Variants in INTS1 observed in about 807,000 individuals in gnomAD.
INTS1 encodes integrator complex subunit 1.
Under a neutral mutation model 241.6 loss-of-function variants are expected in INTS1, and 137 were observed. The observed-to-expected ratio is 0.57, with a 90% confidence interval of 0.49 to 0.65. The LOEUF is 0.65. INTS1 is among the 30% of genes least tolerant of loss of function. The pLI is 0.00. For missense variants in INTS1, 3,073 were observed against 3,032.2 expected, an observed-to-expected ratio of 1.01 and a Z score of -0.32; for synonymous variants, 1,692 against 1,337.8, an observed-to-expected ratio of 1.26 and a Z score of -5.78.
intron 44 of INTS1, 26 bp downstream of exon 44, chr7:1,472,247 C>A: frequency 6.6e-7 from 1 of 1,504,652 alleles, no homozygotes; most frequent in Non-Finnish European, 9.0e-7. Context: ...GCTGACCTGG[C>A]GTGGGTGAAG....
chr7:1,473,527 C>A, intron 42 of INTS1, 39 bp downstream of exon 42: 1 of 1,557,532 alleles, frequency 6.4e-7, no homozygotes, highest in South Asian at 1.2e-5. Context: ...GGACCCTCGC[C>A]GGAGGCCCGA....
Position 1,503,091 on chromosome 7 carries a change from C to G in INTS1, c.159G>C (p.Leu53=). 6.2e-7 allele frequency: 1 copy of G among 1,611,656 alleles called. No homozygotes were observed. Among genetic ancestry groups the G allele is most frequent in the Non-Finnish European group, 8.5e-7 (1 of 1,178,266 alleles). ...STLLKPAPSG[L]PSERKRDAAA... is the part of the protein sequence containing the mutation. ...CCGCATCCCGCTTGCGCTCAGAAGG[C>G]AGGCCGGAAGGGGCTGGCTTCAGCA... The change falls in exon 3 of 48, where the codon CTG becomes CTC. Residue 53 remains leucine, a synonymous_variant. Transcript: ENST00000404767.
chr7:1,483,827 T>A lies in INTS1; in HGVS notation c.3456A>T (p.Leu1152=). ...TGGCTGTCTCCCCGCTGCTCCAGCG[T>A]AGGAAGACCTGGTCCTGAGACTCCG... The part of the protein sequence containing the change: ...SWSESQDQVF[L]RWSSGETATM... Residue 1152 remains leucine (L), a synonymous_variant, in exon 26 of 48, where the codon CTA becomes CTT. Transcript: ENST00000404767. The A allele has an allele frequency of 6.2e-7, 1 of 1,612,008 alleles. No individual in the cohort carries two copies. Among genetic ancestry groups the A allele is most frequent in the Non-Finnish European group, 8.5e-7 (1 of 1,179,224 alleles).
chr7:1,496,092 G>A (rs898585658), intron 12 of INTS1, 64 bp downstream of exon 12: 39 of 1,332,600 alleles, frequency 2.9e-5, no homozygotes, highest in African/African-American at 1.4e-4. Context: ...TCGGAGAGCC[G>A]CCAGCCACCA....
At chr7:1,497,000 C>T (rs1782895182) in intron 11 of INTS1, 138 bp downstream of exon 11, 1 of 870,106 alleles carries the variant, frequency 1.1e-6, no homozygotes, top group Non-Finnish European at 1.7e-6. Flanking sequence ...TCACCGCAAA[C>T]AGCCTCACTC....
Position 1,474,211 on chromosome 7 carries a change from C to T in INTS1, c.5786G>A (p.Gly1929Glu). The T allele has an allele frequency of 6.3e-7, 1 of 1,593,208 alleles. No homozygotes were observed. The highest frequency in any genetic ancestry group is 8.5e-7 in the Non-Finnish European group (1 of 1,171,358). ...QPHVFRSEHQ[G>E]ALWDCLLSFI... ...GGACAGAAGGCAGTCCCACAGCGCC[C>T]CCTGGTGCTCGCTGCGGAACACGTG... Residue 1929 changes from glycine (G) to glutamate (E), a missense_variant, in exon 41 of 48, where the codon GGG becomes GAG. Coordinates refer to ENST00000404767, the MANE Select transcript of INTS1 (RefSeq NM_001080453.3).
rs1191502373 is a variant in INTS1, at chr7:1,479,677, G to A, written c.4082C>T (p.Pro1361Leu). Reference sequence around the variant, plus strand: ...CTGCCACCGAGGGTCCGGGCTGAGCGGGAAAATCTGGAACGGGGAAGGCCA... The same window carrying A: ...CTGCCACCGAGGGTCCGGGCTGAGCAGGAAAATCTGGAACGGGGAAGGCCA... ...DLAGMFLQIF[P>L]LSPDPRWQSS... Residue 1361 changes from proline (P) to leucine (L), a missense_variant, in exon 31 of 48, where the codon CCG becomes CTG. By Grantham distance (98) the Pro-to-Leu change is moderately conservative. Transcript: ENST00000404767. 1.9e-5 allele frequency: 28 copies of A among 1,465,984 alleles called. No individual in the cohort carries two copies. The highest frequency in any genetic ancestry group is 1.9e-4 in the Middle Eastern group (1 of 5,334). 90.8% of individuals were successfully genotyped at this position (1,465,984 alleles called of 1,614,324 possible).
Position 1,478,789 on chromosome 7 carries a change from G to A in INTS1, c.4426C>T (p.Pro1476Ser), listed in dbSNP as rs1781856836. The A allele has an allele frequency of 1.2e-6, 2 of 1,604,962 alleles. No individual in the cohort carries two copies. The highest frequency in any genetic ancestry group is 1.7e-6 in the Non-Finnish European group (2 of 1,176,840). Residue 1476 changes from proline to serine, a missense_variant, in exon 32 of 48, where the codon CCC (proline) becomes TCC (serine). By Grantham distance (74) the Pro-to-Ser change is moderately conservative. Coordinates refer to ENST00000404767, the MANE Select transcript of INTS1 (RefSeq NM_001080453.3). Reference sequence around the variant, plus strand: ...AGCATCCTGAGCTGTGCCCGCAGGGGCCCGCCCTCCACGCCAGGGCTGTCC... The same window carrying A: ...AGCATCCTGAGCTGTGCCCGCAGGGACCCGCCCTCCACGCCAGGGCTGTCC... ...WLDSPGVEGGPLRAQLRMLAS... is the reference protein window; with the variant it reads ...WLDSPGVEGGSLRAQLRMLAS...
At chr7:1,477,227 C>G (rs571297768) in intron 35 of INTS1, among the ~76,000 whole-genome samples, 1 of 152,240 alleles carries the variant, frequency 6.6e-6, no homozygotes, top group Non-Finnish European at 1.5e-5. Context: ...CTGGCCACAG[C>G]CCCATTCCCT....
At chr7:1,474,517 T>A (rs977252095) in intron 40 of INTS1, among the ~76,000 whole-genome samples, 157 bp from the exon 41 acceptor site, 29 of 152,312 alleles carry the variant, frequency 1.9e-4, no homozygotes, top group African/African-American at 7.0e-4. Context: ...CGCCCCTCTC[T>A]GAGGCCCACC....
Position 1,485,272 on chromosome 7 carries a change from C to G in INTS1, c.3156+18G>C, listed in dbSNP as rs1326180113. 2 of 1,600,318 alleles carry G rather than the reference C, an allele frequency of 1.2e-6. No individual in the cohort carries two copies. Among genetic ancestry groups the G allele is most frequent in the Admixed American group, 1.7e-5 (1 of 59,748 alleles). On this transcript the variant is annotated intron_variant, in intron 23 of 47. Coordinates refer to ENST00000404767, the MANE Select transcript of INTS1 (RefSeq NM_001080453.3). ...CCCTCTCATCTTTCCCTGCCGCGGC[C>G]CCGGTCAGCGCCCTCACCTGCTGCA...
chr7:1,484,746 G>A (rs1409578932), intron 24 of INTS1, among the ~76,000 whole-genome samples: 1 of 152,184 alleles, frequency 6.6e-6, no homozygotes, highest in African/African-American at 2.4e-5. Flanking sequence ...GCATCCTCAG[G>A]GTCTGGGGAG....
Position 1,493,184 on chromosome 7 carries a change from CT to C in INTS1, c.2069-79del. ...ACAGGCAGCGAGGGAACCGGCCCTGCTCGGGCCGCGTCGGGGTGGGGTGGGG... is the reference window on the plus strand; with the variant it reads ...ACAGGCAGCGAGGGAACCGGCCCTGCCGGGCCGCGTCGGGGTGGGGTGGGG... On this transcript the variant is annotated intron_variant, in intron 15 of 47. Coordinates refer to ENST00000404767, the MANE Select transcript of INTS1 (RefSeq NM_001080453.3). The surrounding 1 kb of genome is among the most constrained non-coding windows in gnomAD (Gnocchi z 5.3). 1 of 1,159,864 alleles carries C rather than the reference CT, an allele frequency of 8.6e-7. No individual in the cohort carries two copies. 71.8% of individuals were successfully genotyped at this position (1,159,864 alleles called of 1,614,324 possible).
intron 14 of INTS1, 141 bp from the exon 15 acceptor site, chr7:1,494,052 TC>T: frequency 9.2e-7 from 1 of 1,084,016 alleles, no homozygotes; most frequent in Non-Finnish European, 1.3e-6. Flanking sequence ...GCCTATCCCC[TC>T]CAACCTGAGC....
chr7:1,503,868 G>GACCCCCAAAA lies in INTS1; in HGVS notation c.58+34_58+35insTTTTGGGGGT, dbSNP rs1465045793. 5.3e-6 allele frequency: 8 copies of GACCCCCAAAA among 1,509,070 alleles called. No individual in the cohort carries two copies. The African/African-American group carries it at 7.1e-5, about 13-fold the overall frequency. The allele number at this position is 1,509,070 out of a possible 1,614,324, so 93.5% of individuals were successfully genotyped here. A position where few individuals can be genotyped will look rare whatever the true frequency, so the allele number is the denominator to read the frequency against. On this transcript the variant is annotated intron_variant, in intron 2 of 47. Coordinates refer to ENST00000404767, the MANE Select transcript of INTS1 (RefSeq NM_001080453.3). Reference sequence around the variant, plus strand: ...CCAAAGACCCCCAAAGACCCCCAAAGACCCCCGGGCTGCAGAGCGAGGAGG... The same window carrying GACCCCCAAAA: ...CCAAAGACCCCCAAAGACCCCCAAAGACCCCCAAAAACCCCCGGGCTGCAGAGCGAGGAGG...
rs778154378 is a variant in INTS1 at position 1,478,856 on chromosome 7, G to A, written c.4359C>T (p.Ser1453=). The stretch of plus-strand genomic sequence containing the variant: ...GCAGGAGCACCTTCAGGAAGAGCGA[G>A]GAGAAGCCGGTGTCCTGTGGCACAC... The part of the protein sequence containing the change: ...QRCVPQDTGF[S]SLFLKVLLQM... Residue 1453 remains serine (S), a synonymous_variant, in exon 32 of 48, where the codon TCC becomes TCT. Coordinates refer to ENST00000404767, the MANE Select transcript of INTS1 (RefSeq NM_001080453.3). 1 of 1,610,572 alleles carries A rather than the reference G, an allele frequency of 6.2e-7. No homozygotes were observed.
chr7:1,482,714 G>A lies in INTS1; in HGVS notation c.3542-7C>T, dbSNP rs772082998. On this transcript the variant is annotated splice_region_variant and splice_polypyrimidine_tract_variant and intron_variant, in intron 26 of 47. Coordinates refer to ENST00000404767, the MANE Select transcript of INTS1 (RefSeq NM_001080453.3). ...TGGAACTCGCTGTCGTCGGCTTCAG[G>A]AAGGACAACGGGTGAGCAGCCTTCA... 1.3e-5 allele frequency: 21 copies of A among 1,612,134 alleles called. No homozygotes were observed. Among genetic ancestry groups the A allele is most frequent in the Middle Eastern group, 1.6e-4 (1 of 6,078 alleles).
chr7:1,493,040 T>C lies in INTS1; in HGVS notation c.2135A>G (p.His712Arg). 1.2e-6 allele frequency: 2 copies of C among 1,613,298 alleles called. No homozygotes were observed. Among genetic ancestry groups the C allele is most frequent in the East Asian group, 2.2e-5 (1 of 44,846 alleles). Residue 712 changes from histidine (H) to arginine (R), a missense_variant, in exon 16 of 48, where the codon CAT (histidine) becomes CGT (arginine). Transcript: ENST00000404767. This position sits in a 1 kb window ranked among gnomAD's most constrained non-coding sequence, Gnocchi z 5.3. ...TGGGAGCTGGATGTTTTCAGGGTGA[T>C]GGTAGGTGCACAGATTCAGAACGGC... ...IDAVLNLCTY[H>R]HPENIQLPPG...
rs746490154 is a variant in INTS1, at chr7:1,485,343, G to A, written c.3103C>T (p.Arg1035Cys). Residue 1035 changes from arginine to cysteine, a missense_variant, in exon 23 of 48, where the codon CGC becomes TGC. By Grantham distance (180) the Arg-to-Cys change is radical. Coordinates refer to ENST00000404767, the MANE Select transcript of INTS1 (RefSeq NM_001080453.3). ...CTGACGCTGTCGAACAGAGGCAGGC[G>A]AGGCAGGTCCCGCAGCAGCCACTGA... ...GYQWLLRDLP[R>C]LPLFDSVRST... 1.9e-5 allele frequency: 31 copies of A among 1,612,078 alleles called. 1 individual carries two copies. The highest frequency in any genetic ancestry group is 1.7e-4 in the Admixed American group (10 of 60,002).
Sources: gnomAD v4.1 joint callset for allele counts (sites outside exome capture counted in the v4.1 genomes callset) on GRCh38, gnomAD v4.1.1 for gene constraint, Gnocchi (gnomAD v3.1) non-coding constraint, MANE v1.5 for transcripts, NCBI Gene and HGNC (gene_info 2026-07-23, HGNC 2026-07-21) for gene names.